The following NSMCE2 variants were observed in gnomAD, a reference collection of about 807,000 sequenced individuals.
The protein encoded by NSMCE2 is NSE2 SUMO ligase component of SMC5/6 complex, also known as E3 SUMO-protein ligase NSE2.
A neutral mutation model predicts 23.8 loss-of-function variants in NSMCE2; 24 were observed. The ratio of observed to expected loss-of-function variants is 1.01; its 90% CI spans 0.73 to 1.42. The LOEUF is 1.42. NSMCE2 is among the 40% of genes most tolerant of loss of function. The pLI is 0.00. For missense variants in NSMCE2, 284 were observed against 296.5 expected, an observed-to-expected ratio of 0.96 and a Z score of 0.31; for synonymous variants, 92 against 94.1, an observed-to-expected ratio of 0.98 and a Z score of 0.13.
At chr8:125,283,955 C>T (rs1484769054) in intron 5 of NSMCE2, among the ~76,000 whole-genome samples, 1 of 152,018 alleles carries the variant, frequency 6.6e-6, no homozygotes, top group Non-Finnish European at 1.5e-5. Flanking sequence ...AGATGGAGAC[C>T]ATCCTGGCTA....
intron 4 of NSMCE2, among the ~76,000 whole-genome samples, chr8:125,173,902 G>A (rs999635260): frequency 1.3e-5 from 2 of 152,116 alleles, no homozygotes; most frequent in African/African-American, 4.8e-5. Context: ...ACTGCGAGCT[G>A]CCTATTCCTC....
intron 4 of NSMCE2, among the ~76,000 whole-genome samples, chr8:125,152,041 T>G (rs1821062466): frequency 6.6e-6 from 1 of 152,208 alleles, no homozygotes; most frequent in South Asian, 2.1e-4. Flanking sequence ...TTTTACAAGA[T>G]CAGTGATTAC....
intron 3 of NSMCE2, among the ~76,000 whole-genome samples, chr8:125,139,182 A>G (rs1287943437): frequency 6.6e-6 from 1 of 152,188 alleles, no homozygotes; most frequent in Non-Finnish European, 1.5e-5. Flanking sequence ...GCTTTTTAGG[A>G]AATTTTACAT....
intron 4 of NSMCE2, among the ~76,000 whole-genome samples, chr8:125,178,846 C>G (rs1394774233): frequency 1.3e-5 from 2 of 152,012 alleles, no homozygotes; most frequent in Non-Finnish European, 2.9e-5. Context: ...GCCTGGGCAA[C>G]AGAGTGAGAC....
intron 5 of NSMCE2, among the ~76,000 whole-genome samples, chr8:125,214,807 T>G (rs1399962836): frequency 6.6e-6 from 1 of 152,108 alleles, no homozygotes; most frequent in East Asian, 1.9e-4. Context: ...TTTTATGGGG[T>G]GGGTGTTCGT....
intron 4 of NSMCE2, among the ~76,000 whole-genome samples, chr8:125,176,285 A>G (rs150302512): frequency 9.1e-4 from 138 of 152,302 alleles, no homozygotes; most frequent in Middle Eastern, 3.4e-3. Flanking sequence ...TCTAATGCAC[A>G]CTTTTCACTT....
intron 3 of NSMCE2, among the ~76,000 whole-genome samples, chr8:125,111,184 A>G (rs1225462499): frequency 6.6e-6 from 1 of 152,188 alleles, no homozygotes; most frequent in African/African-American, 2.4e-5. Flanking sequence ...ACTGTGTGGC[A>G]GTTACTTCAG....
At chr8:125,203,037 A>G (rs542647597) in intron 5 of NSMCE2, among the ~76,000 whole-genome samples, 9 of 152,344 alleles carry the variant, frequency 5.9e-5, no homozygotes, top group Admixed American at 5.2e-4. Flanking sequence ...TGATGAAAAC[A>G]TGAATATTTG....
At chr8:125,215,122 T>C (rs1324000575) in intron 5 of NSMCE2, among the ~76,000 whole-genome samples, 1 of 151,724 alleles carries the variant, frequency 6.6e-6, no homozygotes, top group East Asian at 1.9e-4. Flanking sequence ...ACATGTGCCA[T>C]GCTGGTGCGC....
chr8:125,221,317 C>T (rs1824852093), intron 5 of NSMCE2, among the ~76,000 whole-genome samples: 1 of 152,236 alleles, frequency 6.6e-6, no homozygotes, highest in South Asian at 2.1e-4. Flanking sequence ...GCAATCATGG[C>T]TCACTTCAGC....
At chr8:125,209,597 G>A (rs1049394210) in intron 5 of NSMCE2, among the ~76,000 whole-genome samples, 5 of 152,158 alleles carry the variant, frequency 3.3e-5, no homozygotes, top group Non-Finnish European at 7.4e-5. Context: ...TAGGAATCAT[G>A]ATTTTTATTT....
intron 5 of NSMCE2, among the ~76,000 whole-genome samples, chr8:125,276,030 C>A (rs949043205): frequency 1.3e-5 from 2 of 152,150 alleles, no homozygotes; most frequent in African/African-American, 2.4e-5. Context: ...AGAGGTCTGC[C>A]CCCCGCACTG....
chr8:125,160,718 C>G (rs978014364), intron 4 of NSMCE2, among the ~76,000 whole-genome samples: 2 of 152,160 alleles, frequency 1.3e-5, no homozygotes, highest in Non-Finnish European at 2.9e-5. Flanking sequence ...AGTAAACATT[C>G]ACAGTTTTTA....
intron 5 of NSMCE2, among the ~76,000 whole-genome samples, chr8:125,241,733 T>C (rs989961185): frequency 3.3e-5 from 5 of 152,150 alleles, no homozygotes; most frequent in Non-Finnish European, 7.4e-5. Flanking sequence ...GTACTCATAG[T>C]GTAAGTTGAA....
At chr8:125,366,018 C>T (rs1241924448) in intron 7 of NSMCE2, among the ~76,000 whole-genome samples, 1 of 152,198 alleles carries the variant, frequency 6.6e-6, no homozygotes, top group African/African-American at 2.4e-5. Context: ...GCACTTGCTA[C>T]TGCCTCAGCC....
chr8:125,144,529 G>A (rs946735878), intron 3 of NSMCE2, among the ~76,000 whole-genome samples: 2 of 152,166 alleles, frequency 1.3e-5, no homozygotes, highest in African/African-American at 4.8e-5. Context: ...TCCATGCTGT[G>A]CTACATAAGG....
At chr8:125,159,552 C>T (rs889009094) in intron 4 of NSMCE2, among the ~76,000 whole-genome samples, 2 of 152,046 alleles carry the variant, frequency 1.3e-5, no homozygotes, top group Admixed American at 6.6e-5. Flanking sequence ...AAGTACACTC[C>T]GTGATGTTCC....
In NSMCE2 at chr8:125,324,572, C is replaced by CTTTT. The variant is rs1189623667; in HGVS notation, c.419-32629_419-32626dup. 2.0e-3 allele frequency among the ~76,000 whole-genome samples: 121 copies of CTTTT among 59,320 alleles called. 9 individuals carry two copies. Among genetic ancestry groups the CTTTT allele is most frequent in the African/African-American group, 6.0e-3 (114 of 18,976 alleles). The allele number at this position is 59,320 out of a possible 152,430, so 38.9% of individuals were successfully genotyped here. On this transcript the variant is annotated intron_variant, in intron 5 of 7. Coordinates refer to ENST00000287437, the MANE Select transcript of NSMCE2 (RefSeq NM_173685.4). ...TATGTGATTCCATTTTGATAAAATT[C>CTTTT]TTTTTTTTTTTTTTTTTTTTTGAGA...
At chr8:125,315,906 A>T (rs1829161410) in intron 5 of NSMCE2, among the ~76,000 whole-genome samples, 1 of 151,934 alleles carries the variant, frequency 6.6e-6, no homozygotes, top group South Asian at 2.1e-4. Flanking sequence ...GGGCTCAAGC[A>T]ATCCTCTTAC....
Sources: allele counts gnomAD v4.1 joint callset (sites outside exome capture counted in the v4.1 genomes callset), GRCh38; gene constraint gnomAD v4.1.1; transcripts MANE v1.5; gene names NCBI Gene and HGNC (gene_info 2026-07-23, HGNC 2026-07-21).